Variants in FAM117A observed in about 807,000 individuals in gnomAD.
The protein encoded by FAM117A is family with sequence similarity 117 member A.
In FAM117A, 21 loss-of-function variants were observed where a neutral mutation model predicts 44.1. The observed-to-expected ratio is 0.48, with a 90% CI of 0.34 to 0.69. The LOEUF (loss-of-function observed/expected upper bound fraction) is 0.69, where lower values mean the gene tolerates loss of function less well. Ranked by LOEUF, FAM117A falls within the 30% of genes least tolerant of loss-of-function variation. FAM117A has a pLI of 0.01. For missense variants in FAM117A, 498 were observed against 589.9 expected, an observed-to-expected ratio of 0.84 and a Z score of 1.61; for synonymous variants, 220 against 238.3, an observed-to-expected ratio of 0.92 and a Z score of 0.71.
chr17:49,736,799 A>G (rs2073612729), intron 1 of FAM117A, among the ~76,000 whole-genome samples: 2 of 152,222 alleles, frequency 1.3e-5, no homozygotes, highest in Admixed American at 1.3e-4. Flanking sequence ...ATCCCCTGGA[A>G]GCAATGTCTT....
In FAM117A at chr17:49,730,211, A is replaced by G. The variant is rs188304131; in HGVS notation, c.366+2340T>C. ...TCCTGACTGCGGCCACAATATTGACAGGTTGCTAAGAGTTCCTCGAGGGCT... is the reference window on the plus strand; with the variant it reads ...TCCTGACTGCGGCCACAATATTGACGGGTTGCTAAGAGTTCCTCGAGGGCT... On this transcript the variant is annotated intron_variant, in intron 2 of 7. Transcript: ENST00000240364. Among the ~76,000 whole-genome samples, 7 of 152,348 alleles carry G rather than the reference A, an allele frequency of 4.6e-5. No individual in the cohort carries two copies. In the East Asian group the frequency reaches 1.3e-3, roughly 29 times the overall value.
At chr17:49,778,796 G>C (rs2073781757) in intron 1 of FAM117A, among the ~76,000 whole-genome samples, 1 of 152,114 alleles carries the variant, frequency 6.6e-6, no homozygotes, top group Admixed American at 6.6e-5. Context: ...TACAGTCTGG[G>C]GTGTGTGTTG....
chr17:49,789,030 C>G (rs1205328244), upstream of FAM117A: 12 of 479,332 alleles, frequency 2.5e-5, no homozygotes, highest in Non-Finnish European at 4.4e-5. Context: ...TGGCCTCGGC[C>G]TATGCTTGCA....
At chr17:49,732,861 G>T in intron 1 of FAM117A, 141 bp from the exon 2 acceptor site, 1 of 841,860 alleles carries the variant, frequency 1.2e-6, no homozygotes. Context: ...ATTTGAAGCA[G>T]CCTGAAACAG....
At chr17:49,755,547 G>A (rs562697053) in intron 1 of FAM117A, among the ~76,000 whole-genome samples, 7 of 152,212 alleles carry the variant, frequency 4.6e-5, no homozygotes, top group African/African-American at 1.4e-4. Flanking sequence ...TCCATGGATC[G>A]ACCTGGTAAC....
At chr17:49,720,096 G>T in intron 4 of FAM117A, 1 of 731,086 alleles carries the variant, frequency 1.4e-6, no homozygotes, top group Non-Finnish European at 2.2e-6. Flanking sequence ...ACTGTGTGCT[G>T]TAGAGTCATT....
intron 1 of FAM117A, among the ~76,000 whole-genome samples, chr17:49,748,412 G>A (rs1312645673): frequency 6.6e-6 from 1 of 152,134 alleles, no homozygotes; most frequent in South Asian, 2.1e-4. Context: ...CAGCCTCTTC[G>A]CATCCTCCTG....
upstream of FAM117A, chr17:49,765,651 C>G (rs1487594331): frequency 6.6e-6 from 1 of 152,104 alleles, no homozygotes; most frequent in Admixed American, 6.6e-5. Flanking sequence ...GACATTTGAA[C>G]TGTTTTTTTA....
intron 1 of FAM117A, among the ~76,000 whole-genome samples, chr17:49,739,723 C>T (rs1017001453): frequency 1.3e-5 from 2 of 152,226 alleles, no homozygotes; most frequent in Non-Finnish European, 2.9e-5. Context: ...GAGGGAAATA[C>T]GACAATAGGC....
Position 49,764,016 on chromosome 17 carries a change from G to A in FAM117A, c.72C>T (p.Leu24=). The A allele has an allele frequency of 8.3e-7, 1 of 1,204,642 alleles. No individual in the cohort carries two copies. The highest frequency in any genetic ancestry group is 1.0e-6 in the Non-Finnish European group (1 of 966,220). 74.6% of individuals were successfully genotyped at this position (1,204,642 alleles called of 1,614,324 possible). A position where few individuals can be genotyped will look rare whatever the true frequency, so the allele number is the denominator to read the frequency against. ...WGPGRGGAGG[L]RRGCSPPAPA... ...GGGCTGGGGGAGAGCAGCCCCGCCG[G>A]AGCCCCCCGGCCCCTCCGCGCCCCG... is the stretch of plus-strand genomic sequence containing the variant. Residue 24 remains leucine, a synonymous_variant, in exon 1 of 8, where the codon CTC becomes CTT. Transcript: ENST00000240364.
At chr17:49,751,681 C>T (rs773286344) in intron 1 of FAM117A, among the ~76,000 whole-genome samples, 1 of 152,094 alleles carries the variant, frequency 6.6e-6, no homozygotes, top group African/African-American at 2.4e-5. Flanking sequence ...CAGTGGCTCA[C>T]GTCTGTAATC....
chr17:49,716,385 G>C, intron 6 of FAM117A, 70 bp from the exon 7 acceptor site: 1 of 1,380,398 alleles, frequency 7.2e-7, no homozygotes, highest in Non-Finnish European at 9.6e-7. Context: ...GTCCAGGACT[G>C]AGGTGTAAAG....
At chr17:49,754,526 G>T (rs2073690367) in intron 1 of FAM117A, among the ~76,000 whole-genome samples, 1 of 151,648 alleles carries the variant, frequency 6.6e-6, no homozygotes, top group Admixed American at 6.6e-5. Context: ...TGATGGTCTC[G>T]ATCTCCTGAC....
At chr17:49,761,936 G>A (rs1407790444) in intron 1 of FAM117A, among the ~76,000 whole-genome samples, 2 of 152,136 alleles carry the variant, frequency 1.3e-5, no homozygotes, top group African/African-American at 2.4e-5. Flanking sequence ...ATTAATAGGT[G>A]GACAAATTAT....
rs2073523810 is a variant in FAM117A at position 49,719,660 on chromosome 17, A to G, written c.708+100T>C. The G allele has an allele frequency of 2.2e-6, 3 of 1,389,556 alleles. No individual in the cohort carries two copies. In the Admixed American group the frequency reaches 8.0e-5, roughly 37 times the overall value. The allele number at this position is 1,389,556 out of a possible 1,614,324, so 86.1% of individuals were successfully genotyped here. ...TTTGTATGCTGCTGTTTGCGTAGCCATAGCCTGTGAGGCCCCAGAGAGCAG... is the reference window on the plus strand; with the variant it reads ...TTTGTATGCTGCTGTTTGCGTAGCCGTAGCCTGTGAGGCCCCAGAGAGCAG... On this transcript the variant is annotated intron_variant, in intron 5 of 7. Coordinates refer to ENST00000240364, the MANE Select transcript of FAM117A (RefSeq NM_030802.4).
At chr17:49,768,263 C>T (rs773412769), upstream of FAM117A, among the ~76,000 whole-genome samples, 12 of 152,268 alleles carry the variant, frequency 7.9e-5, no homozygotes, top group Non-Finnish European at 1.2e-4. Flanking sequence ...AGGAACTTTC[C>T]ACTCCTGAAG....
chr17:49,783,316 G>C (rs1327629761), intron 1 of FAM117A, among the ~76,000 whole-genome samples: 2 of 152,174 alleles, frequency 1.3e-5, no homozygotes, highest in East Asian at 1.9e-4. Context: ...AGGGAGCTTG[G>C]ATCAGGGAAG....
At chr17:49,724,544 G>A in intron 2 of FAM117A, 1 of 453,958 alleles carries the variant, frequency 2.2e-6, no homozygotes, top group African/African-American at 2.0e-5. Context: ...ACTTAAAAAG[G>A]ATGTGAGGCT....
intron 1 of FAM117A, among the ~76,000 whole-genome samples, chr17:49,741,202 A>G (rs1197336995): frequency 6.6e-6 from 1 of 152,222 alleles, no homozygotes; most frequent in Non-Finnish European, 1.5e-5. Context: ...TCAACAAACA[A>G]GTTATGAGTC....
Sources: allele counts gnomAD v4.1 joint callset (sites outside exome capture counted in the v4.1 genomes callset), GRCh38; gene constraint gnomAD v4.1.1; transcripts MANE v1.5; gene names NCBI Gene and HGNC (gene_info 2026-07-23, HGNC 2026-07-21).